The following CIRSR variants were observed in gnomAD, a reference collection of about 807,000 sequenced individuals.
CIRSR encodes the protein corepressor of RBPJ and splicing regulator.
chr2:174,348,397 G>A, the CIRSR span: 2 of 1,502,530 alleles, frequency 1.3e-6, no homozygotes, highest in Non-Finnish European at 1.8e-6. Context: ...AAAGACAACA[G>A]TACATAATTT....
the CIRSR span, chr2:174,380,618 C>G: frequency 1.9e-6 from 3 of 1,577,188 alleles, no homozygotes; most frequent in Non-Finnish European, 2.6e-6. Flanking sequence ...CTTAATGATA[C>G]ATATCTTGTC....
chr2:174,373,939 C>A, the CIRSR span, among the ~76,000 whole-genome samples: 1 of 152,132 alleles, frequency 6.6e-6, no homozygotes, highest in Non-Finnish European at 1.5e-5. Flanking sequence ...AATGGTTTCA[C>A]CAAACTTTCA....
chr2:174,348,690 C>A, the CIRSR span: 1 of 1,614,242 alleles, frequency 6.2e-7, no homozygotes, highest in Non-Finnish European at 8.5e-7. Flanking sequence ...GCTTCTCCGG[C>A]TCCTTTCCTC....
At chr2:174,372,370 C>G in the CIRSR span, among the ~76,000 whole-genome samples, 1 of 152,104 alleles carries the variant, frequency 6.6e-6, no homozygotes, top group Non-Finnish European at 1.5e-5. Context: ...CCTTCCAATC[C>G]TTTTTCTAAA....
the CIRSR span, chr2:174,387,548 GAT>G: frequency 1.1e-6 from 1 of 884,076 alleles, no homozygotes; most frequent in Non-Finnish European, 1.6e-6. Flanking sequence ...GAGTAAAAGA[GAT>G]AGCCCTCACG....
At chr2:174,388,524 T>C in the CIRSR span, among the ~76,000 whole-genome samples, 2 of 152,300 alleles carry the variant, frequency 1.3e-5, no homozygotes, top group South Asian at 4.1e-4. Flanking sequence ...ATAGCAAGTT[T>C]GGGTTTTTTC....
At chr2:174,374,111 A>G in the CIRSR span, among the ~76,000 whole-genome samples, 6 of 152,364 alleles carry the variant, frequency 3.9e-5, no homozygotes, top group East Asian at 1.9e-4. Context: ...CACTGGCTAC[A>G]GCATCAGTGG....
chr2:174,387,554 C>A, the CIRSR span: 1 of 930,630 alleles, frequency 1.1e-6, no homozygotes, highest in Non-Finnish European at 1.5e-6. Context: ...AAGAGATAGC[C>A]CTCACGGAAA....
At chr2:174,363,427 G>A in the CIRSR span, among the ~76,000 whole-genome samples, 1 of 152,240 alleles carries the variant, frequency 6.6e-6, no homozygotes, top group Admixed American at 6.5e-5. Flanking sequence ...AGTAGACACA[G>A]TCTTAAGGCC....
At chr2:174,351,746 T>A in the CIRSR span, 2 of 1,592,036 alleles carry the variant, frequency 1.3e-6, no homozygotes, top group African/African-American at 1.3e-5. Context: ...AAATCACAGT[T>A]TGAATGTATC....
the CIRSR span, among the ~76,000 whole-genome samples, chr2:174,395,299 A>G: frequency 6.6e-6 from 1 of 152,250 alleles, no homozygotes; most frequent in African/African-American, 2.4e-5. Context: ...TAGTCTTCGC[A>G]TATTATGGAT....
At chr2:174,381,910 TTACTC>T in the CIRSR span, 2 of 607,998 alleles carry the variant, frequency 3.3e-6, no homozygotes, top group South Asian at 2.5e-5. Flanking sequence ...TTCTAAAACT[TTACTC>T]CACTAACTAG....
chr2:174,355,818 G>C, the CIRSR span, among the ~76,000 whole-genome samples: 1 of 152,184 alleles, frequency 6.6e-6, no homozygotes, highest in African/African-American at 2.4e-5. Context: ...CTGGCTATGA[G>C]GAAATGGCAT....
At chr2:174,355,960 G>A in the CIRSR span, among the ~76,000 whole-genome samples, 10 of 152,118 alleles carry the variant, frequency 6.6e-5, no homozygotes, top group Admixed American at 6.5e-5. Context: ...TCCATTCGAA[G>A]TTCATCATTC....
the CIRSR span, among the ~76,000 whole-genome samples, chr2:174,354,416 T>A: frequency 1.2e-5 from 1 of 81,584 alleles, no homozygotes; most frequent in Non-Finnish European, 2.2e-5. Flanking sequence ...ATATTATATA[T>A]AATATATATT....
the CIRSR span, chr2:174,395,409 A>C: frequency 1.3e-6 from 1 of 785,978 alleles, no homozygotes; most frequent in African/African-American, 1.7e-5. Context: ...CTCAGCAGAG[A>C]AAGGCGAGAC....
At chr2:174,380,285 A>G in the CIRSR span, 1 of 1,473,836 alleles carries the variant, frequency 6.8e-7, no homozygotes. Context: ...ACACAATATT[A>G]AGAATAATTT....
the CIRSR span, among the ~76,000 whole-genome samples, chr2:174,371,787 G>A: frequency 1.3e-5 from 2 of 152,054 alleles, no homozygotes; most frequent in Admixed American, 6.5e-5. Context: ...CAACACCAGG[G>A]GGTGTGGTTA....
At chr2:174,381,891 G>C in the CIRSR span, 1 of 707,114 alleles carries the variant, frequency 1.4e-6, no homozygotes, top group Non-Finnish European at 2.3e-6. Context: ...ATTTTTGTTA[G>C]AAACAGAGTT....
Sources: allele counts gnomAD v4.1 joint callset (sites outside exome capture counted in the v4.1 genomes callset), GRCh38; gene constraint gnomAD v4.1.1; transcripts MANE v1.5; gene names NCBI Gene and HGNC (gene_info 2026-07-23, HGNC 2026-07-21).